LRCH3: variants seen among roughly 807,000 people sequenced by gnomAD.
LRCH3 encodes the protein leucine rich repeats and calponin homology domain containing 3.
In LRCH3, 68 loss-of-function variants were observed where a neutral mutation model predicts 104.5. The observed-to-expected ratio is 0.65, with a 90% CI of 0.54 to 0.80. The LOEUF is 0.80. LRCH3 is among the 30% of genes least tolerant of loss of function. LRCH3 has a pLI of 0.00. For missense variants in LRCH3, 951 were observed against 953.9 expected (o/e 1.00, Z 0.04); for synonymous variants, 344 against 361.3 (o/e 0.95, Z 0.54).
intron 15 of LRCH3, among the ~76,000 whole-genome samples, chr3:197,862,530 T>TCTAGTCTATGTCCTGTTAATAAG (rs1560590770): frequency 3.3e-5 from 5 of 152,340 alleles, no homozygotes; most frequent in African/African-American, 1.2e-4. Context: ...TTTTTAAATT[T>TCTAGTCTATGTCCTGTTAATAAG]TTGAAAATAT....
intron 1 of LRCH3, among the ~76,000 whole-genome samples, chr3:197,801,828 A>T (rs1006842877): frequency 1.2e-4 from 19 of 152,222 alleles, no homozygotes. Flanking sequence ...AAGGTTTCAC[A>T]AGACTGAAAT....
rs143588002 is a variant in LRCH3 at position 197,838,009 on chromosome 3, G to A, written c.1252-1312G>A. Among the ~76,000 whole-genome samples, 13 of 152,056 alleles carry A rather than the reference G, an allele frequency of 8.5e-5. No individual in the cohort carries two copies. In the East Asian group the frequency reaches 2.3e-3, roughly 27 times the overall value. ...TGGGCAGCGGACATTGCAGTGAGCC[G>A]AGATTGTGCTACTGCACTCCAGCCT... On this transcript the variant is annotated intron_variant, in intron 9 of 20. Transcript: ENST00000425562.
At chr3:197,863,367 T>G (rs1026608409) in intron 15 of LRCH3, among the ~76,000 whole-genome samples, 1 of 152,152 alleles carries the variant, frequency 6.6e-6, no homozygotes, top group Admixed American at 6.5e-5. Flanking sequence ...GTTCAAGCGA[T>G]TCTCCTGCCT....
intron 2 of LRCH3, among the ~76,000 whole-genome samples, chr3:197,815,600 G>A (rs1012315175): frequency 6.6e-6 from 1 of 152,192 alleles, no homozygotes; most frequent in Non-Finnish European, 1.5e-5. Context: ...GGAGCTTGCA[G>A]CAGTCTTGTA....
At chr3:197,874,934 T>G (rs990973943) in intron 19 of LRCH3, among the ~76,000 whole-genome samples, 1 of 152,116 alleles carries the variant, frequency 6.6e-6, no homozygotes, top group Non-Finnish European at 1.5e-5. Context: ...TTCTTTTTTT[T>G]TTTTTGAAAT....
chr3:197,795,955 T>C (rs971558610), intron 1 of LRCH3, among the ~76,000 whole-genome samples: 1 of 152,098 alleles, frequency 6.6e-6, no homozygotes, highest in Non-Finnish European at 1.5e-5. Flanking sequence ...CTTCTCAAAG[T>C]GCTGGGATTA....
chr3:197,883,650 A>G lies in LRCH3; in HGVS notation c.2318A>G (p.Gln773Arg). 1 of 1,536,104 alleles carries G rather than the reference A, an allele frequency of 6.5e-7. No homozygotes were observed. Among genetic ancestry groups the G allele is most frequent in the Non-Finnish European group, 8.7e-7 (1 of 1,146,894 alleles). Residue 773 changes from glutamine to arginine, a missense_variant, in exon 21 of 21, where the codon CAG becomes CGG. Gln to Arg is a conservative substitution (Grantham distance 43). Transcript: ENST00000425562. The surrounding 1 kb of genome is among the most constrained non-coding windows in gnomAD (Gnocchi z 4.2). ...ELAPPKQQQHQLSAV is the reference protein window; with the variant it reads ...ELAPPKQQQHRLSAV ...GCCCCACCCAAGCAACAGCAGCACC[A>G]GTTATCTGCTGTTTGAGGATCCCCA...
Position 197,830,799 on chromosome 3 carries a change from A to AT in LRCH3, c.918dup (p.Gly307TrpfsTer4). On this transcript the variant is annotated frameshift_variant, in exon 7 of 21. Coordinates refer to ENST00000425562, the MANE Select transcript of LRCH3 (RefSeq NM_001365715.1). LOFTEE classifies it high-confidence loss of function. ...GAAGAACTGTACTCAAGTCGCCCTT[A>AT]TGGAGCCCTTGATTCAGGCTTCAAT... The AT allele has an allele frequency of 6.2e-7, 1 of 1,614,110 alleles. No individual in the cohort carries two copies.
intron 1 of LRCH3, among the ~76,000 whole-genome samples, chr3:197,797,598 C>T (rs6583261): frequency 0.046 from 7,027 of 152,102 alleles, 303 homozygotes; most frequent in African/African-American, 0.11. Context: ...CAGTGGCTCA[C>T]GCCTGTAATC....
At chr3:197,844,422 G>A (rs976331042) in intron 10 of LRCH3, among the ~76,000 whole-genome samples, 4 of 152,022 alleles carry the variant, frequency 2.6e-5, no homozygotes, top group Non-Finnish European at 4.4e-5. Context: ...TTTGAGACAC[G>A]TCTCTGTCAC....
At chr3:197,840,821 T>C (rs1040409437) in intron 10 of LRCH3, among the ~76,000 whole-genome samples, 3 of 152,238 alleles carry the variant, frequency 2.0e-5, no homozygotes, top group Admixed American at 1.3e-4. Flanking sequence ...AGAATGTCTT[T>C]TCAGTTGCCA....
chr3:197,875,919 G>A (rs2109548750), intron 20 of LRCH3, 144 bp downstream of exon 20: 2 of 530,354 alleles, frequency 3.8e-6, no homozygotes, highest in East Asian at 3.1e-5. Flanking sequence ...AAGAGTCAGT[G>A]TACTTTTGAA....
intron 4 of LRCH3, among the ~76,000 whole-genome samples, chr3:197,821,704 C>T (rs558994541): frequency 8.1e-4 from 123 of 152,312 alleles, no homozygotes; most frequent in African/African-American, 2.8e-3. Flanking sequence ...GACAGGGTCT[C>T]ACTCCCATTA....
At chr3:197,820,554 TA>T in intron 4 of LRCH3, 124 bp downstream of exon 4, 3 of 648,674 alleles carry the variant, frequency 4.6e-6, no homozygotes, top group Non-Finnish European at 8.0e-6. Context: ...CTCCTGCCTG[TA>T]ATGCCAACAC....
intron 20 of LRCH3, chr3:197,882,705 CAAG>C: frequency 2.0e-6 from 2 of 985,280 alleles, no homozygotes; most frequent in Non-Finnish European, 2.4e-6. Flanking sequence ...TTTTCTCTCA[CAAG>C]AAAGGGTTAA....
At position 197,883,852 on chromosome 3, in the gene LRCH3, A is replaced by C. The variant is rs1431540849; in HGVS notation, c.*186A>C. The C allele has an allele frequency of 1.7e-6, 1 of 587,986 alleles. No homozygotes were observed. The highest frequency in any genetic ancestry group is 2.6e-6 in the Non-Finnish European group (1 of 380,264). 36.4% of individuals were successfully genotyped at this position (587,986 alleles called of 1,614,324 possible). A position where few individuals can be genotyped will look rare whatever the true frequency, so the allele number is the denominator to read the frequency against. On this transcript the variant is annotated 3_prime_UTR_variant, in exon 21 of 21. Transcript: ENST00000425562. This position sits in a 1 kb window ranked among gnomAD's most constrained non-coding sequence, Gnocchi z 4.2. ...GGGGAGGTTATTTCCATTTCCATTGAATTTTTTTACGAAGACACCATTGGT... is the reference window on the plus strand; with the variant it reads ...GGGGAGGTTATTTCCATTTCCATTGCATTTTTTTACGAAGACACCATTGGT...
intron 15 of LRCH3, among the ~76,000 whole-genome samples, chr3:197,863,935 A>G (rs1354336595): frequency 6.6e-6 from 1 of 152,240 alleles, no homozygotes; most frequent in Non-Finnish European, 1.5e-5. Context: ...TATATTTCCC[A>G]GTAACATTTT....
In LRCH3 at chr3:197,791,598, G is replaced by A. The variant is rs1730513161; in HGVS notation, c.262+58G>A. 3 of 1,472,132 alleles carry A rather than the reference G, an allele frequency of 2.0e-6. 1 individual carries two copies. The South Asian group carries it at 3.9e-5, about 19-fold the overall frequency. 91.2% of individuals were successfully genotyped at this position (1,472,132 alleles called of 1,614,324 possible). A position where few individuals can be genotyped will look rare whatever the true frequency, so the allele number is the denominator to read the frequency against. On this transcript the variant is annotated intron_variant, in intron 1 of 20. Coordinates refer to ENST00000425562, the MANE Select transcript of LRCH3 (RefSeq NM_001365715.1). ...GAGACCCGGCGCCGGGAGCCGCCCC[G>A]GCCGGGGGAGGCGGATGCGGGGGAG...
At chr3:197,853,939 A>G (rs1739945959) in intron 13 of LRCH3, among the ~76,000 whole-genome samples, 1 of 152,238 alleles carries the variant, frequency 6.6e-6, no homozygotes, top group African/African-American at 2.4e-5. Flanking sequence ...ATTCTCAAGA[A>G]AACTAAAGCT....
Sources: allele counts gnomAD v4.1 joint callset (sites outside exome capture counted in the v4.1 genomes callset), GRCh38; gene constraint gnomAD v4.1.1; non-coding constraint Gnocchi (gnomAD v3.1); transcripts MANE v1.5; gene names NCBI Gene and HGNC (gene_info 2026-07-23, HGNC 2026-07-21).